Variants in MYH7B observed in about 807,000 individuals in gnomAD.
MYH7B encodes myosin heavy chain 7B, also known as myosin-7B.
A neutral mutation model predicts 234.5 loss-of-function variants in MYH7B; 205 were observed. The observed-to-expected ratio is 0.87, with a 90% CI of 0.78 to 0.98. The LOEUF is 0.98. Ranked by LOEUF, MYH7B falls within the 50% of genes least tolerant of loss-of-function variation. The pLI, the probability that MYH7B is intolerant of heterozygous loss-of-function variation, is 0.00. For missense variants in MYH7B, 2,652 were observed against 2,633.4 expected (o/e 1.01, Z -0.15); for synonymous variants, 1,193 against 1,105.0 (o/e 1.08, Z -1.58).
In MYH7B at chr20:34,987,205, C is replaced by T. The variant is rs186184825; in HGVS notation, c.1065C>T (p.Ile355=). 9.7e-5 allele frequency: 157 copies of T among 1,612,742 alleles called. 1 individual carries two copies. Among genetic ancestry groups the T allele is most frequent in the African/African-American group, 8.5e-4 (64 of 74,966 alleles). ...ATGAGAAATGTGCCTGCTATAAGAT[C>T]GTGGGCGCCCTCCTGCACTTTGGCA... The change falls in exon 16 of 45, where the codon ATC becomes ATT. Residue 355 remains isoleucine (I), a synonymous_variant. Transcript: ENST00000262873.
exon 14 of MYH7B, chr20:34,986,132 T>C: frequency 6.3e-7 from 1 of 1,595,274 alleles, no homozygotes; most frequent in Non-Finnish European, 8.5e-7. Context: ...GATCTTCCAG[T>C]TGCCTGGTGA....
At chr20:34,998,184 C>G (rs2082299676) in intron 32 of MYH7B, 111 bp from the exon 33 acceptor site, 8 of 1,308,572 alleles carry the variant, frequency 6.1e-6, no homozygotes, top group Non-Finnish European at 7.5e-6. Flanking sequence ...CCCTTTGATT[C>G]CTGGGCCCAC....
exon 41 of MYH7B, chr20:35,001,131 G>A (rs1301543393): frequency 6.2e-7 from 1 of 1,613,828 alleles, no homozygotes; most frequent in South Asian, 1.1e-5. Flanking sequence ...GTGGCGGGAA[G>A]AAGCAGGTGC....
chr20:34,994,403 T>A lies in MYH7B; in HGVS notation c.2700+2T>A. The A allele has an allele frequency of 6.4e-7, 1 of 1,569,724 alleles. No individual in the cohort carries two copies. The highest frequency in any genetic ancestry group is 1.2e-5 in the South Asian group (1 of 84,404). On this transcript the variant is annotated splice_donor_variant, in intron 27 of 44. Transcript: ENST00000262873. LOFTEE classifies it high-confidence loss of function. ...GACCTGGCCCTGCAGCTGCAGGCTG[T>A]GAGTCAGGGTTCCCCTTGTGACCGG...
chr20:34,998,681 G>A lies in MYH7B; in HGVS notation c.3994-38G>A, dbSNP rs771246144. On this transcript the variant is annotated intron_variant, in intron 34 of 44. Transcript: ENST00000262873. ...TGGGCAGGTGGGCACCAGAGCCACT[G>A]GGCTGCACTAACGCTGAGGTCACTG... 3 of 1,612,244 alleles carry A rather than the reference G, an allele frequency of 1.9e-6. No homozygotes were observed. In the African/African-American group the frequency reaches 4.0e-5, roughly 21 times the overall value.
intron 2 of MYH7B, among the ~76,000 whole-genome samples, chr20:34,972,928 T>C (rs1380790206): frequency 6.6e-6 from 1 of 152,224 alleles, no homozygotes; most frequent in African/African-American, 2.4e-5. Flanking sequence ...TGAGCCATCA[T>C]GCCTGGTTAA....
exon 33 of MYH7B, chr20:34,998,306 G>A: frequency 6.2e-7 from 1 of 1,613,968 alleles, no homozygotes; most frequent in Non-Finnish European, 8.5e-7. Context: ...CCAGTGCAGA[G>A]AAGCTGTGCC....
At chr20:34,983,887 T>G (rs1354248500) in intron 10 of MYH7B, among the ~76,000 whole-genome samples, 2 of 152,034 alleles carry the variant, frequency 1.3e-5, no homozygotes, top group Non-Finnish European at 2.9e-5. Flanking sequence ...TTCTCTCCCT[T>G]TCTTCCTTGG....
At chr20:34,976,980 C>G (rs1451303120) in intron 3 of MYH7B, among the ~76,000 whole-genome samples, 1 of 152,112 alleles carries the variant, frequency 6.6e-6, no homozygotes, top group East Asian at 1.9e-4. Context: ...TGCCCTATAC[C>G]CTGAGTAGAG....
intron 14 of MYH7B, 57 bp from the exon 15 acceptor site, chr20:34,986,829 G>A: frequency 7.0e-7 from 1 of 1,429,140 alleles, no homozygotes; most frequent in Non-Finnish European, 9.9e-7. Flanking sequence ...CAATTGTTGT[G>A]GGGAGAATAG....
chr20:34,996,708 G>A lies in MYH7B; in HGVS notation c.3216G>A (p.Ser1072=), dbSNP rs373145864. 88 of 1,613,424 alleles carry A rather than the reference G, an allele frequency of 5.5e-5. No individual in the cohort carries two copies. The highest frequency in any genetic ancestry group is 1.6e-4 in the Middle Eastern group (1 of 6,078). Residue 1072 remains serine (S), a synonymous_variant, in exon 30 of 45, where the codon TCG becomes TCA. Coordinates refer to ENST00000262873, the Ensembl canonical transcript of MYH7B. ...GTGACCTGAAGCTGACGCAGGAGTC[G>A]GTGGCTGATGCTGCTCAAGACAAGC...
chr20:35,001,087 G>A (rs746174687), exon 41 of MYH7B: 1 of 1,613,688 alleles, frequency 6.2e-7, no homozygotes, highest in East Asian at 2.2e-5. Context: ...CGAGCTCCAG[G>A]CCCGCCTTGA....
At position 35,001,002 on chromosome 20, in the gene MYH7B, C is replaced by T. The variant is rs375176309; in HGVS notation, c.5319C>T (p.Ala1773=). The change falls in exon 41 of 45, where the codon GCC becomes GCT. Residue 1773 remains alanine (A), a synonymous_variant. Transcript: ENST00000262873. ...CTCCCCAACAGGCGGCCATGATGGC[C>T]GAGGAGCTGAAGAAGGAGCAGGACA... is the stretch of plus-strand genomic sequence containing the variant. The T allele has an allele frequency of 4.3e-5, 70 of 1,613,752 alleles. No individual in the cohort carries two copies. The highest frequency in any genetic ancestry group is 1.7e-4 in the Middle Eastern group (1 of 5,766).
intron 9 of MYH7B, 114 bp from the exon 10 acceptor site, chr20:34,982,345 G>C: frequency 1.2e-6 from 1 of 860,238 alleles, no homozygotes; most frequent in South Asian, 1.5e-5. Flanking sequence ...ATCCTTGGGG[G>C]TTTCAAGCTG....
chr20:34,988,065 G>A (rs758641906), intron 18 of MYH7B, 27 bp from the exon 19 acceptor site: 1 of 1,600,470 alleles, frequency 6.2e-7, no homozygotes, highest in Non-Finnish European at 8.5e-7. Context: ...CGAGAGGTCT[G>A]CTGAGCCAGG....
chr20:34,989,243 C>T (rs1250300701), intron 19 of MYH7B, among the ~76,000 whole-genome samples: 1 of 152,210 alleles, frequency 6.6e-6, no homozygotes, highest in African/African-American at 2.4e-5. Flanking sequence ...TCTGCAGTCC[C>T]CTACAGCTGG....
chr20:34,982,638 CCT>C (rs2081958515), intron 10 of MYH7B, 83 bp downstream of exon 10: 3 of 1,254,166 alleles, frequency 2.4e-6, no homozygotes, highest in Non-Finnish European at 3.3e-6. Flanking sequence ...TTTTTTTCCC[CCT>C]TTTTAAAAAT....
exon 27 of MYH7B, chr20:34,994,345 G>C (rs2082212115): frequency 1.2e-6 from 2 of 1,606,732 alleles, no homozygotes; most frequent in Non-Finnish European, 1.7e-6. Context: ...GGAACTGGAG[G>C]AGACGCACGT....
chr20:34,994,071 G>A, intron 26 of MYH7B, 75 bp from the exon 27 acceptor site: 1 of 1,557,468 alleles, frequency 6.4e-7, no homozygotes, highest in Non-Finnish European at 8.7e-7. Flanking sequence ...GGCAAAACAA[G>A]TGAACTGTGC....
Sources: gnomAD v4.1 joint callset for allele counts (sites outside exome capture counted in the v4.1 genomes callset) on GRCh38, gnomAD v4.1.1 for gene constraint, MANE v1.5 for transcripts, NCBI Gene and HGNC (gene_info 2026-07-23, HGNC 2026-07-21) for gene names.